The following GNAS variants were observed in gnomAD, a reference collection of about 807,000 sequenced individuals.
GNAS encodes the protein protein ALEX.
Under a neutral mutation model 54.5 loss-of-function variants are expected in GNAS, and 8 were observed. The ratio of observed to expected loss-of-function variants is 0.15; its 90% CI spans 0.09 to 0.26. The LOEUF is 0.26. GNAS is among the 10% of genes least tolerant of loss of function. GNAS has a pLI of 1.00. For missense variants in GNAS, 170 were observed against 529.8 expected (o/e 0.32, Z 6.67); for synonymous variants, 204 against 191.4 (o/e 1.07, Z -0.54).
At position 58,909,483 on chromosome 20, in the gene GNAS, G is replaced by T; in HGVS notation, c.660-38G>T. ...TCATGGTTTCTTGACATTCACCCCAGTCCCTCTGGAATAACCAGCTGTCCT... is the reference window on the plus strand; with the variant it reads ...TCATGGTTTCTTGACATTCACCCCATTCCCTCTGGAATAACCAGCTGTCCT... On this transcript the variant is annotated intron_variant, in intron 8 of 12. Coordinates refer to ENST00000371085, the MANE Select transcript of GNAS (RefSeq NM_000516.7). The surrounding 1 kb of genome is among the most constrained non-coding windows in gnomAD (Gnocchi z 7.3). The T allele has an allele frequency of 1.2e-6, 2 of 1,612,610 alleles. No homozygotes were observed. Among genetic ancestry groups the T allele is most frequent in the Non-Finnish European group, 1.7e-6 (2 of 1,178,688 alleles).
At position 58,903,805 on chromosome 20, in the gene GNAS, C is replaced by T. The variant is rs758468758; in HGVS notation, c.432+14C>T. ...GACTTCCCTCCCGTAAGCTACACCC[C>T]GACTTGTGTGGCCTTAGCCCCGCCC... is the stretch of plus-strand genomic sequence containing the variant. On this transcript the variant is annotated intron_variant, in intron 5 of 12. Transcript: ENST00000371085. 1.8e-5 allele frequency: 29 copies of T among 1,613,904 alleles called. No individual in the cohort carries two copies. Among genetic ancestry groups the T allele is most frequent in the Middle Eastern group, 1.7e-4 (1 of 6,054 alleles).
In GNAS at chr20:58,909,802, C is replaced by T; in HGVS notation, c.837C>T (p.Asn279=). Residue 279 remains asparagine, a splice_region_variant and synonymous_variant, in exon 10 of 13, where the codon AAC becomes AAT. Coordinates refer to ENST00000371085, the MANE Select transcript of GNAS (RefSeq NM_000516.7). This position sits in a 1 kb window ranked among gnomAD's most constrained non-coding sequence, Gnocchi z 7.3. ...ALNLFKSIWN[N]RWLRTISVIL... ...ACCTCTTCAAGAGCATCTGGAACAA[C>T]AGGTTTGTGGAGTGACCGCCCACCC... 1 of 1,613,558 alleles carries T rather than the reference C, an allele frequency of 6.2e-7. No individual in the cohort carries two copies. The highest frequency in any genetic ancestry group is 1.3e-5 in the African/African-American group (1 of 75,054).
intron 1 of GNAS, chr20:58,852,916 C>A: frequency 1.4e-6 from 1 of 735,672 alleles, no homozygotes; most frequent in Non-Finnish European, 1.7e-6. Flanking sequence ...ACCGAATCGG[C>A]ACGCTCGTCA....
intron 2 of GNAS, 114 bp from the exon 3 acceptor site, chr20:58,898,827 A>C: frequency 2.1e-6 from 2 of 968,796 alleles, no homozygotes; most frequent in Non-Finnish European, 1.7e-6. Context: ...CTGGCGCGCG[A>C]ATTGTTGCTT....
intron 1 of GNAS, among the ~76,000 whole-genome samples, chr20:58,847,787 G>T (rs980554419): frequency 2.0e-5 from 3 of 152,144 alleles, no homozygotes. Flanking sequence ...CCTTCTCTTT[G>T]TTGGCTACAG....
At chr20:58,867,392 G>C (rs1281265045) in intron 1 of GNAS, 3 of 152,214 alleles carry the variant, frequency 2.0e-5, no homozygotes, top group Admixed American at 2.0e-4. Flanking sequence ...TTCTGAGTGG[G>C]AGTCTTTGGA....
intron 3 of GNAS, chr20:58,900,210 T>C (rs2090481774): frequency 1.8e-6 from 1 of 548,602 alleles, no homozygotes; most frequent in Admixed American, 3.3e-5. Context: ...AATGACTAAT[T>C]GACAATCTGC....
chr20:58,884,738 G>A (rs1342118851), intron 1 of GNAS: 1 of 152,216 alleles, frequency 6.6e-6, no homozygotes, highest in Non-Finnish European at 1.5e-5. Flanking sequence ...TTCAGTTTAG[G>A]AAAATTAGCT....
intron 1 of GNAS, among the ~76,000 whole-genome samples, chr20:58,866,737 T>C (rs924866101): frequency 6.6e-6 from 1 of 152,162 alleles, no homozygotes; most frequent in Non-Finnish European, 1.5e-5. Flanking sequence ...CTGAAACAGA[T>C]TCATTAGGGA....
intron 1 of GNAS, among the ~76,000 whole-genome samples, chr20:58,869,728 G>GT (rs1441152718): frequency 6.6e-6 from 1 of 152,190 alleles, no homozygotes; most frequent in African/African-American, 2.4e-5. Context: ...CTAGTTTTAA[G>GT]TTCTTCCCCT....
At chr20:58,852,042 G>T (rs2086195804) in intron 1 of GNAS, among the ~76,000 whole-genome samples, 1 of 151,856 alleles carries the variant, frequency 6.6e-6, no homozygotes, top group Non-Finnish European at 1.5e-5. Context: ...AGAACAGCAG[G>T]ACCTGCGAAA....
rs1177843871 is a variant in GNAS, at chr20:58,841,273, A to G, written c.43+387A>G. On this transcript the variant is annotated intron_variant, in intron 1 of 12. Coordinates refer to the GNAS transcript ENST00000306090. This position sits in a 1 kb window ranked among gnomAD's most constrained non-coding sequence, Gnocchi z 5.0. ...CTTCCTCCTAGAAAGACTAGTCTCA[A>G]ATAAGTTGGCCTTCTCAGGTGTCCA... 1 of 1,043,032 alleles carries G rather than the reference A, an allele frequency of 9.6e-7. No homozygotes were observed. Among genetic ancestry groups the G allele is most frequent in the Non-Finnish European group, 1.2e-6 (1 of 850,186 alleles). The allele number at this position is 1,043,032 out of a possible 1,614,324, so 64.6% of individuals were successfully genotyped here.
chr20:58,871,855 C>T (rs774489420), intron 1 of GNAS, among the ~76,000 whole-genome samples: 1 of 152,112 alleles, frequency 6.6e-6, no homozygotes, highest in African/African-American at 2.4e-5. Context: ...ACTTCTAGTC[C>T]AGAACAGAGG....
intron 1 of GNAS, 72 bp from the exon 2 acceptor site, chr20:58,895,540 C>G (rs1337217864): frequency 1.1e-6 from 1 of 910,520 alleles, no homozygotes; most frequent in South Asian, 1.3e-5. Flanking sequence ...AACAAAACAA[C>G]AACAGCAGAC....
At chr20:58,898,062 T>C (rs1260746770) in intron 2 of GNAS, 1 of 152,178 alleles carries the variant, frequency 6.6e-6, no homozygotes, top group Non-Finnish European at 1.5e-5. Context: ...AATACAGAGG[T>C]TGGATGCGGA....
At chr20:58,890,217 G>A (rs1458786815), upstream of GNAS, among the ~76,000 whole-genome samples, 1 of 151,376 alleles carries the variant, frequency 6.6e-6, no homozygotes, top group Non-Finnish European at 1.5e-5. Context: ...GAAGAAGAAG[G>A]TGCCAGAAGC....
At chr20:58,893,953 A>G (rs964430038) in intron 1 of GNAS, among the ~76,000 whole-genome samples, 1 of 151,984 alleles carries the variant, frequency 6.6e-6, no homozygotes. Flanking sequence ...CTATATGACT[A>G]CATTACATCA....
rs1386308848 is a variant in GNAS at position 58,909,314 on chromosome 20, C to T, written c.586-36C>T. 1.3e-6 allele frequency: 2 copies of T among 1,596,940 alleles called. No homozygotes were observed. The highest frequency in any genetic ancestry group is 1.7e-5 in the Admixed American group (1 of 59,994). ...TGGCAATTATTACTGTTTCGGTTGG[C>T]TTTGGTGAGATCCATTGACCTCAAT... On this transcript the variant is annotated intron_variant, in intron 7 of 12. Coordinates refer to ENST00000371085, the MANE Select transcript of GNAS (RefSeq NM_000516.7). The surrounding 1 kb of genome is among the most constrained non-coding windows in gnomAD (Gnocchi z 7.3).
At chr20:58,894,731 A>C (rs186653923) in intron 1 of GNAS, among the ~76,000 whole-genome samples, 1 of 152,342 alleles carries the variant, frequency 6.6e-6, no homozygotes, top group East Asian at 1.9e-4. Flanking sequence ...TGAGTTGGGA[A>C]GGGCTTGGAA....
Sources: gnomAD v4.1 joint callset for allele counts (sites outside exome capture counted in the v4.1 genomes callset) on GRCh38, gnomAD v4.1.1 for gene constraint, Gnocchi (gnomAD v3.1) non-coding constraint, MANE v1.5 for transcripts, NCBI Gene and HGNC (gene_info 2026-07-23, HGNC 2026-07-21) for gene names.